The following CDC25C variants were observed in gnomAD, a reference collection of about 807,000 sequenced individuals.
CDC25C encodes the protein cell division cycle 25C, also known as M-phase inducer phosphatase 3.
Under a neutral mutation model 52.5 loss-of-function variants are expected in CDC25C, and 48 were observed. The ratio of observed to expected loss-of-function variants is 0.91; its 90% CI spans 0.72 to 1.16. The LOEUF (loss-of-function observed/expected upper bound fraction) is 1.16. CDC25C is among the 50% of genes most tolerant of loss of function. The pLI, the probability that CDC25C is intolerant of heterozygous loss-of-function variation, is 0.00. For missense variants in CDC25C, 510 were observed against 566.1 expected (o/e 0.90, Z 1.01); for synonymous variants, 187 against 206.5 (o/e 0.91, Z 0.81).
intron 7 of CDC25C, among the ~76,000 whole-genome samples, chr5:138,313,228 A>G (rs1442412397): frequency 1.3e-5 from 2 of 151,988 alleles, no homozygotes; most frequent in Non-Finnish European, 2.9e-5. Context: ...ATACAAAAAA[A>G]ATTAGCCGGC....
intron 7 of CDC25C, among the ~76,000 whole-genome samples, chr5:138,316,524 CG>C (rs141755381): frequency 0.01 from 1,585 of 152,124 alleles, 34 homozygotes; most frequent in African/African-American, 0.037. Context: ...ACCTTCAGGA[CG>C]GGGAGGGCTT....
intron 7 of CDC25C, among the ~76,000 whole-genome samples, chr5:138,298,682 G>A (rs1422346131): frequency 2.0e-5 from 3 of 150,748 alleles, no homozygotes; most frequent in Non-Finnish European, 4.4e-5. Context: ...CCTGGGAGGC[G>A]GAAGTTGCAG....
At chr5:138,324,132 G>C (rs1417479525) in intron 6 of CDC25C, among the ~76,000 whole-genome samples, 1 of 151,630 alleles carries the variant, frequency 6.6e-6, no homozygotes, top group East Asian at 1.9e-4. Context: ...TTAGCTGGGC[G>C]TGGCAGCATG....
chr5:138,338,095 C>G lies in CDC25C; in HGVS notation c.-127G>C, dbSNP rs1469551043. On this transcript the variant is annotated 5_prime_UTR_variant, in exon 1 of 6. Transcript: ENST00000510119. Reference sequence around the variant, plus strand: ...CCTAAATCAAAGCGCCAGGCTCGTTCCCAACAGCGCTGTCCGAGAGACACT... The same window carrying G: ...CCTAAATCAAAGCGCCAGGCTCGTTGCCAACAGCGCTGTCCGAGAGACACT... The G allele has an allele frequency of 3.9e-6, 5 of 1,289,690 alleles. No homozygotes were observed. In the Admixed American group the frequency reaches 6.9e-5, roughly 18 times the overall value. 79.9% of individuals were successfully genotyped at this position (1,289,690 alleles called of 1,614,324 possible).
chr5:138,324,194 C>T (rs988317052), intron 6 of CDC25C, among the ~76,000 whole-genome samples: 9 of 152,028 alleles, frequency 5.9e-5, no homozygotes, highest in Admixed American at 2.6e-4. Context: ...TTGCTTGAAC[C>T]AGGGAGGCAG....
intron 2 of CDC25C, among the ~76,000 whole-genome samples, 186 bp downstream of exon 2, chr5:138,330,801 G>A (rs1036055723): frequency 1.3e-5 from 2 of 152,198 alleles, no homozygotes; most frequent in African/African-American, 2.4e-5. Flanking sequence ...GAGCCACCTC[G>A]CCTGGCTGAG....
intron 9 of CDC25C, 67 bp downstream of exon 9, chr5:138,290,572 G>A (rs1034562806): frequency 1.2e-5 from 11 of 903,786 alleles, no homozygotes; most frequent in Admixed American, 1.7e-5. Flanking sequence ...AGGCATTCTC[G>A]GCAAACAGAG....
Position 138,319,336 on chromosome 5 carries a change from C to T in CDC25C, c.498G>A (p.Leu166=). ...TTGGAACAGTAGTAATGGGACTGCCCAAATATTTCATTTCACTGTCCACCA... is the reference window on the plus strand; with the variant it reads ...TTGGAACAGTAGTAATGGGACTGCCTAAATATTTCATTTCACTGTCCACCA... ...GNLVDSEMKY[L]GSPITTVPKL... The change falls in exon 7 of 14, where the codon TTG becomes TTA. Residue 166 remains leucine, a synonymous_variant. Coordinates refer to ENST00000323760, the MANE Select transcript of CDC25C (RefSeq NM_001790.5). 1.2e-6 allele frequency: 2 copies of T among 1,613,204 alleles called. No homozygotes were observed. Among genetic ancestry groups the T allele is most frequent in the Non-Finnish European group, 1.7e-6 (2 of 1,179,498 alleles).
upstream of CDC25C, among the ~76,000 whole-genome samples, chr5:138,336,135 G>GT (rs11312274): frequency 9.5e-4 from 129 of 135,202 alleles, 1 homozygote; most frequent in East Asian, 4.4e-3. Flanking sequence ...TTGTTCATTT[G>GT]TTTTTTTTTT....
chr5:138,319,804 G>A lies in CDC25C; in HGVS notation c.460-430C>T, dbSNP rs76962852. On this transcript the variant is annotated intron_variant, in intron 6 of 13. Transcript: ENST00000323760. ...AGATGCTCAACAAAGTAATCATTAT[G>A]GAAATGCATATGAAAATTGCAAGAG... is the stretch of plus-strand genomic sequence containing the variant. Among the ~76,000 whole-genome samples the A allele has an allele frequency of 3.6e-3, 554 of 152,266 alleles. 3 individuals are homozygous for A. The highest frequency in any genetic ancestry group is 0.013 in the African/African-American group (523 of 41,548).
chr5:138,293,556 T>C (rs890446418), intron 7 of CDC25C, among the ~76,000 whole-genome samples: 2 of 152,120 alleles, frequency 1.3e-5, no homozygotes, highest in Middle Eastern at 3.4e-3. Context: ...TAGATGAGGA[T>C]TTCAAAAGGG....
chr5:138,290,973 T>C (rs1347313441), intron 8 of CDC25C, among the ~76,000 whole-genome samples: 2 of 151,920 alleles, frequency 1.3e-5, no homozygotes, highest in African/African-American at 4.8e-5. Flanking sequence ...TTATTTTTAA[T>C]AATAAATAAA....
chr5:138,291,132 T>A (rs1756676107), intron 8 of CDC25C, among the ~76,000 whole-genome samples: 1 of 151,958 alleles, frequency 6.6e-6, no homozygotes, highest in African/African-American at 2.4e-5. Flanking sequence ...TTTTTTATTT[T>A]ATTTTTTTTT....
chr5:138,302,482 C>A (rs1290432397), intron 7 of CDC25C, among the ~76,000 whole-genome samples: 1 of 151,240 alleles, frequency 6.6e-6, no homozygotes, highest in African/African-American at 2.4e-5. Flanking sequence ...GGTGGATCAC[C>A]TAAGGTCGGG....
intron 1 of CDC25C, chr5:138,337,842 C>G: frequency 1.6e-6 from 1 of 606,838 alleles, no homozygotes; most frequent in Non-Finnish European, 2.6e-6. Context: ...GAGGGCGGGG[C>G]AGCAGAGCAG....
At chr5:138,309,973 T>A (rs1452400535) in intron 7 of CDC25C, among the ~76,000 whole-genome samples, 1 of 152,074 alleles carries the variant, frequency 6.6e-6, no homozygotes, top group South Asian at 2.1e-4. Context: ...TCCCAAAGTG[T>A]TAGGATTACA....
chr5:138,310,783 T>A (rs1193723083), intron 7 of CDC25C, among the ~76,000 whole-genome samples: 1 of 152,194 alleles, frequency 6.6e-6, no homozygotes, highest in African/African-American at 2.4e-5. Flanking sequence ...CTGACTCACA[T>A]GCTCTTAACT....
At chr5:138,290,911 C>T (rs938205065) in intron 8 of CDC25C, among the ~76,000 whole-genome samples, 171 bp from the exon 9 acceptor site, 3 of 152,044 alleles carry the variant, frequency 2.0e-5, no homozygotes, top group African/African-American at 7.2e-5. Flanking sequence ...GCTACGATTG[C>T]ACCACTGCAC....
chr5:138,306,386 A>G (rs1331745856), intron 7 of CDC25C, among the ~76,000 whole-genome samples: 1 of 152,160 alleles, frequency 6.6e-6, no homozygotes, highest in Non-Finnish European at 1.5e-5. Flanking sequence ...TTTTTAAGTA[A>G]AGAAATGAAT....
Sources: gnomAD v4.1 joint callset for allele counts (sites outside exome capture counted in the v4.1 genomes callset) on GRCh38, gnomAD v4.1.1 for gene constraint, MANE v1.5 for transcripts, NCBI Gene and HGNC (gene_info 2026-07-23, HGNC 2026-07-21) for gene names.